PDZRN4: variants seen among roughly 807,000 people sequenced by gnomAD.
PDZRN4 encodes the protein PDZ domain containing ring finger 4.
A neutral mutation model predicts 99.0 loss-of-function variants in PDZRN4; 70 were observed. That is an observed-to-expected ratio of 0.71 (90% CI 0.58 to 0.86). PDZRN4 has a LOEUF of 0.86. PDZRN4 is among the 40% of genes least tolerant of loss of function. The pLI is 0.00. For missense variants in PDZRN4, 1,474 were observed against 1,331.2 expected, an observed-to-expected ratio of 1.11 and a Z score of -1.67; for synonymous variants, 551 against 501.6, an observed-to-expected ratio of 1.10 and a Z score of -1.32.
intron 3 of PDZRN4, among the ~76,000 whole-genome samples, chr12:41,322,166 G>A (rs2120975129): frequency 1.3e-5 from 2 of 152,086 alleles, no homozygotes; most frequent in Middle Eastern, 3.4e-3. Context: ...CAAGTAGCTG[G>A]GACTACAGGA....
rs182201707 is a variant in PDZRN4, at chr12:41,573,012, T to A, written c.2233T>A (p.Cys745Ser). Residue 745 changes from cysteine to serine, a missense_variant, in exon 10 of 10, where the codon TGC becomes AGC. Physicochemically the swap from Cys to Ser is moderately radical, Grantham distance 112. Coordinates refer to ENST00000402685, the MANE Select transcript of PDZRN4 (RefSeq NM_001164595.2). ...SSSAYNTAES[C>S]RSTPLTVDRS... ...TAGTGCTTACAACACAGCTGAGAGC[T>A]GCAGAAGTACTCCGCTCACTGTAGA... 1 of 1,614,194 alleles carries A rather than the reference T, an allele frequency of 6.2e-7. No homozygotes were observed. Among genetic ancestry groups the A allele is most frequent in the East Asian group, 2.2e-5 (1 of 44,876 alleles).
At chr12:41,286,694 A>G (rs1316439142) in intron 3 of PDZRN4, among the ~76,000 whole-genome samples, 1 of 152,162 alleles carries the variant, frequency 6.6e-6, no homozygotes, top group Non-Finnish European at 1.5e-5. Context: ...GGTGTTCACT[A>G]CAAGTCTTTG....
chr12:41,402,117 A>G (rs1478412125), intron 3 of PDZRN4, among the ~76,000 whole-genome samples: 5 of 37,538 alleles, frequency 1.3e-4, no homozygotes, highest in Non-Finnish European at 2.6e-4. Context: ...CACACTGAGT[A>G]TATATATATA....
At chr12:41,204,359 G>C (rs1046789144) in intron 3 of PDZRN4, among the ~76,000 whole-genome samples, 14 of 152,014 alleles carry the variant, frequency 9.2e-5, no homozygotes, top group Non-Finnish European at 1.8e-4. Context: ...CTGGACAGGA[G>C]AGTTCCTTAA....
chr12:41,368,471 G>T (rs2121074214), intron 3 of PDZRN4, among the ~76,000 whole-genome samples: 1 of 152,162 alleles, frequency 6.6e-6, no homozygotes, highest in South Asian at 2.1e-4. Context: ...AGCTGTGAAA[G>T]GATGAGTATT....
intron 3 of PDZRN4, among the ~76,000 whole-genome samples, chr12:41,371,434 T>A (rs1952040819): frequency 6.6e-6 from 1 of 152,040 alleles, no homozygotes; most frequent in Non-Finnish European, 1.5e-5. Context: ...TTTTTTCTGG[T>A]CTTTTTTCAG....
intron 7 of PDZRN4, among the ~76,000 whole-genome samples, chr12:41,561,055 A>G (rs1453327620): frequency 1.3e-5 from 2 of 152,210 alleles, no homozygotes; most frequent in Non-Finnish European, 2.9e-5. Context: ...AATTGTTGCC[A>G]GGACCAGAGA....
Position 41,384,830 on chromosome 12 carries a change from G to A in PDZRN4, c.844-121626G>A, listed in dbSNP as rs571611272. On this transcript the variant is annotated intron_variant, in intron 3 of 9. Coordinates refer to ENST00000402685, the MANE Select transcript of PDZRN4 (RefSeq NM_001164595.2). ...GGAAATAATAATACTAGAAGTAACA[G>A]CAATGCCCAACTCCAGGGGCTTTAA... Among the ~76,000 whole-genome samples, 3 of 152,280 alleles carry A rather than the reference G, an allele frequency of 2.0e-5. No homozygotes were observed. The East Asian group carries it at 5.8e-4, about 29-fold the overall frequency.
intron 3 of PDZRN4, among the ~76,000 whole-genome samples, chr12:41,373,781 C>A (rs973811353): frequency 8.5e-5 from 13 of 152,052 alleles, no homozygotes; most frequent in Non-Finnish European, 1.8e-4. Context: ...ATCACAAGGG[C>A]ATTGATTGGG....
chr12:41,464,886 G>A lies in PDZRN4; in HGVS notation c.844-41570G>A, dbSNP rs141155631. On this transcript the variant is annotated intron_variant, in intron 3 of 9. Transcript: ENST00000402685. The stretch of plus-strand genomic sequence containing the variant: ...GTTGCTCAGGCTGGAATGTAGTGGC[G>A]TGATCTCAGCTCACTGCAACCCCCT... Among the ~76,000 whole-genome samples, 17 of 148,364 alleles carry A rather than the reference G, an allele frequency of 1.1e-4. No homozygotes were observed. The East Asian group carries it at 3.0e-3, about 26-fold the overall frequency.
At chr12:41,189,792 A>G (rs894151685) in intron 1 of PDZRN4, among the ~76,000 whole-genome samples, 1 of 151,846 alleles carries the variant, frequency 6.6e-6, no homozygotes, top group Non-Finnish European at 1.5e-5. Flanking sequence ...AGAGAGAGAG[A>G]TTGAGATTGT....
intron 3 of PDZRN4, among the ~76,000 whole-genome samples, chr12:41,421,025 C>T (rs1487884124): frequency 6.6e-6 from 1 of 152,150 alleles, no homozygotes; most frequent in Non-Finnish European, 1.5e-5. Context: ...AATGCACTCA[C>T]CATTGATTTC....
At chr12:41,455,683 A>G (rs1454609325) in intron 3 of PDZRN4, among the ~76,000 whole-genome samples, 1 of 152,300 alleles carries the variant, frequency 6.6e-6, no homozygotes, top group African/African-American at 2.4e-5. Context: ...TCCTTATGAA[A>G]TGCTGTTTCT....
At chr12:41,246,287 G>T (rs553954747) in intron 3 of PDZRN4, among the ~76,000 whole-genome samples, 1 of 152,036 alleles carries the variant, frequency 6.6e-6, no homozygotes, top group African/African-American at 2.4e-5. Flanking sequence ...TAAAACAATT[G>T]TACAGTTAAT....
intron 5 of PDZRN4, among the ~76,000 whole-genome samples, chr12:41,517,053 G>A (rs140659607): frequency 5.3e-5 from 8 of 151,904 alleles, no homozygotes; most frequent in Non-Finnish European, 1.0e-4. Flanking sequence ...AATTCTTTCC[G>A]ATTTCTTACT....
At chr12:41,379,398 A>G (rs1405256423) in intron 3 of PDZRN4, among the ~76,000 whole-genome samples, 1 of 146,636 alleles carries the variant, frequency 6.8e-6, no homozygotes, top group Non-Finnish European at 1.5e-5. Context: ...ATTTTTTTTT[A>G]TTCTGCCAAA....
At chr12:41,532,122 C>A (rs1232228183) in intron 5 of PDZRN4, among the ~76,000 whole-genome samples, 1 of 151,960 alleles carries the variant, frequency 6.6e-6, no homozygotes, top group Non-Finnish European at 1.5e-5. Flanking sequence ...AATTTGGGGC[C>A]TAAATTTATT....
At chr12:41,481,916 G>A (rs1042835887) in intron 3 of PDZRN4, among the ~76,000 whole-genome samples, 5 of 152,080 alleles carry the variant, frequency 3.3e-5, no homozygotes, top group Middle Eastern at 3.4e-3. Flanking sequence ...CAATTTACCC[G>A]ATTAAGAAGA....
intron 3 of PDZRN4, among the ~76,000 whole-genome samples, chr12:41,286,106 C>T (rs773625660): frequency 1.3e-5 from 2 of 152,060 alleles, no homozygotes; most frequent in Non-Finnish European, 2.9e-5. Context: ...AGAGGTAAGG[C>T]TGCCCTTCAG....
Sources: allele counts gnomAD v4.1 joint callset (sites outside exome capture counted in the v4.1 genomes callset), GRCh38; gene constraint gnomAD v4.1.1; transcripts MANE v1.5; gene names NCBI Gene and HGNC (gene_info 2026-07-23, HGNC 2026-07-21).